DOK5: variants seen among roughly 807,000 people sequenced by gnomAD.
DOK5 encodes downstream of tyrosine kinase 5.
A neutral mutation model predicts 43.3 loss-of-function variants in DOK5; 27 were observed. The observed-to-expected ratio is 0.62, with a 90% CI of 0.46 to 0.86. The LOEUF (loss-of-function observed/expected upper bound fraction) is 0.86, where lower values mean the gene tolerates loss of function less well. DOK5 is among the 40% of genes least tolerant of loss of function. The pLI, the probability that DOK5 is intolerant of heterozygous loss-of-function variation, is 0.00. For synonymous variants in DOK5, 146 were observed against 140.1 expected (o/e 1.04, Z -0.30); for missense variants, 373 against 392.9 (o/e 0.95, Z 0.43).
intron 6 of DOK5, among the ~76,000 whole-genome samples, chr20:54,624,681 C>A (rs1158538060): frequency 6.6e-6 from 1 of 152,092 alleles, no homozygotes; most frequent in African/African-American, 2.4e-5. Flanking sequence ...AGTAAGGAGG[C>A]AGAAAAAGTT....
chr20:54,612,343 G>A (rs1275817907), intron 6 of DOK5, among the ~76,000 whole-genome samples: 4 of 152,178 alleles, frequency 2.6e-5, no homozygotes, highest in Non-Finnish European at 4.4e-5. Context: ...GGTGGTGGAC[G>A]TGGGCATGCT....
At position 54,588,475 on chromosome 20, in the gene DOK5, A is replaced by G; in HGVS notation, c.175-8A>G. ...GAGTGTGTCAAACTTCTAATTGTTC[A>G]TTTTCAGGTTACAGAACTCAATAAT... On this transcript the variant is annotated splice_polypyrimidine_tract_variant and splice_region_variant and intron_variant, in intron 2 of 7. Coordinates refer to ENST00000262593, the MANE Select transcript of DOK5 (RefSeq NM_018431.5). 1.2e-6 allele frequency: 2 copies of G among 1,612,730 alleles called. No homozygotes were observed. The highest frequency in any genetic ancestry group is 1.7e-6 in the Non-Finnish European group (2 of 1,178,766).
At position 54,608,504 on chromosome 20, in the gene DOK5, G is replaced by C. The variant is rs899060123; in HGVS notation, c.600-1884G>C. ...TTAAGTATTTTAAGATGTCTTCAGG[G>C]AAGAAATGGGACTTTACTGAAAATG... is the stretch of plus-strand genomic sequence containing the variant. On this transcript the variant is annotated intron_variant, in intron 5 of 7. Coordinates refer to ENST00000262593, the MANE Select transcript of DOK5 (RefSeq NM_018431.5). 3.3e-5 allele frequency among the ~76,000 whole-genome samples: 5 copies of C among 152,278 alleles called. No homozygotes were observed. In the East Asian group the frequency reaches 7.7e-4, roughly 23 times the overall value.
At chr20:54,583,195 T>C (rs779839534) in intron 2 of DOK5, among the ~76,000 whole-genome samples, 1 of 152,122 alleles carries the variant, frequency 6.6e-6, no homozygotes, top group South Asian at 2.1e-4. Flanking sequence ...CCTTCTGTTA[T>C]TGTTTTTTAG....
chr20:54,521,375 G>A (rs1192583694), intron 1 of DOK5, among the ~76,000 whole-genome samples: 1 of 152,026 alleles, frequency 6.6e-6, no homozygotes, highest in Non-Finnish European at 1.5e-5. Context: ...ACCACAAGGG[G>A]GTCCCAGCCT....
intron 1 of DOK5, among the ~76,000 whole-genome samples, chr20:54,493,355 G>A (rs1042978547): frequency 7.9e-5 from 12 of 152,092 alleles, no homozygotes; most frequent in East Asian, 3.9e-4. Flanking sequence ...CAGTAGGCAC[G>A]CGCTTTCCTT....
At chr20:54,599,230 C>T (rs552786570) in intron 5 of DOK5, among the ~76,000 whole-genome samples, 3 of 152,254 alleles carry the variant, frequency 2.0e-5, no homozygotes, top group African/African-American at 7.2e-5. Flanking sequence ...TACAAATGTG[C>T]TGGATCTAAC....
At chr20:54,513,462 C>CAAA (rs1011871917) in intron 1 of DOK5, among the ~76,000 whole-genome samples, 290 of 24,596 alleles carry the variant, frequency 0.012, 19 homozygotes, top group South Asian at 0.029. Flanking sequence ...ATACTCTGAG[C>CAAA]AAAAAAAAAA....
At chr20:54,509,534 AT>A (rs1982942554) in intron 1 of DOK5, among the ~76,000 whole-genome samples, 2 of 152,242 alleles carry the variant, frequency 1.3e-5, no homozygotes, top group Non-Finnish European at 2.9e-5. Flanking sequence ...ATGGGAGGCC[AT>A]TGCTGGGTTT....
intron 5 of DOK5, among the ~76,000 whole-genome samples, chr20:54,607,600 T>C (rs1459244011): frequency 2.0e-5 from 3 of 152,058 alleles, no homozygotes; most frequent in Non-Finnish European, 4.4e-5. Flanking sequence ...AAAGTGGGCA[T>C]TGGGGGCCGG....
chr20:54,650,557 A>G lies in DOK5; in HGVS notation c.*78A>G, dbSNP rs1979649124. On this transcript the variant is annotated 3_prime_UTR_variant, in exon 8 of 8. Transcript: ENST00000262593. The stretch of plus-strand genomic sequence containing the variant: ...ACCCAGGAGGTCACAGAATGACAGC[A>G]AGGGAAATGACGACCAAGAGAAGAA... The G allele has an allele frequency of 7.2e-7, 1 of 1,396,138 alleles. No individual in the cohort carries two copies. Among genetic ancestry groups the G allele is most frequent in the African/African-American group, 1.4e-5 (1 of 70,390 alleles). The allele number at this position is 1,396,138 out of a possible 1,614,324, so 86.5% of individuals were successfully genotyped here.
At chr20:54,650,273 A>G in intron 7 of DOK5, 142 bp from the exon 8 acceptor site, 1 of 677,022 alleles carries the variant, frequency 1.5e-6, no homozygotes, top group Admixed American at 2.6e-5. Flanking sequence ...ACTCATTTAC[A>G]TATCATCCTG....
intron 2 of DOK5, among the ~76,000 whole-genome samples, chr20:54,556,556 G>C (rs1008859975): frequency 6.6e-6 from 1 of 152,158 alleles, no homozygotes; most frequent in African/African-American, 2.4e-5. Flanking sequence ...CATGTATCCA[G>C]TATTTTCCCT....
chr20:54,548,021 T>G (rs1446893173), intron 1 of DOK5, among the ~76,000 whole-genome samples: 1 of 152,196 alleles, frequency 6.6e-6, no homozygotes, highest in Non-Finnish European at 1.5e-5. Flanking sequence ...GAGAATCTGC[T>G]ACTGGCATTT....
intron 1 of DOK5, among the ~76,000 whole-genome samples, chr20:54,548,195 C>A (rs2183338): frequency 6.6e-6 from 1 of 152,060 alleles, no homozygotes; most frequent in Non-Finnish European, 1.5e-5. Flanking sequence ...TCATTGAATT[C>A]TCATACAGTG....
At chr20:54,534,815 G>A (rs7264352) in intron 1 of DOK5, among the ~76,000 whole-genome samples, 4,675 of 144,454 alleles carry the variant, frequency 0.032, 226 homozygotes, top group African/African-American at 0.13. Flanking sequence ...GATTTTGAAA[G>A]CATGTTTCTT....
chr20:54,602,081 T>C (rs1261170414), intron 5 of DOK5, among the ~76,000 whole-genome samples: 1 of 152,160 alleles, frequency 6.6e-6, no homozygotes, highest in Admixed American at 6.5e-5. Flanking sequence ...TCAAGGCAAA[T>C]ATGTGGCTGT....
chr20:54,599,998 C>T (rs532980388), intron 5 of DOK5, among the ~76,000 whole-genome samples: 33 of 152,176 alleles, frequency 2.2e-4, no homozygotes, highest in African/African-American at 7.7e-4. Context: ...ATAGACAGTG[C>T]CAAAGAAGGG....
intron 5 of DOK5, among the ~76,000 whole-genome samples, chr20:54,598,935 A>T (rs939865934): frequency 6.6e-6 from 1 of 152,210 alleles, no homozygotes; most frequent in East Asian, 1.9e-4. Flanking sequence ...CTTTTCATTC[A>T]AGAAAAAAAC....
Sources: gnomAD v4.1 joint callset for allele counts (sites outside exome capture counted in the v4.1 genomes callset) on GRCh38, gnomAD v4.1.1 for gene constraint, MANE v1.5 for transcripts, NCBI Gene and HGNC (gene_info 2026-07-23, HGNC 2026-07-21) for gene names.